NT5DC1: variants seen among roughly 807,000 people sequenced by gnomAD.
NT5DC1 encodes 5'-nucleotidase domain-containing protein 1.
A neutral mutation model predicts 59.4 loss-of-function variants in NT5DC1; 42 were observed. That is an observed-to-expected ratio of 0.71 (90% CI 0.55 to 0.92). The LOEUF (loss-of-function observed/expected upper bound fraction) is 0.92, where lower values mean the gene tolerates loss of function less well. NT5DC1 is among the 40% of genes least tolerant of loss of function. The probability of loss-of-function intolerance (pLI) is 0.00; values close to 1 mark genes in which losing one functional copy is unlikely to be tolerated. For synonymous variants in NT5DC1, 172 were observed against 188.1 expected (o/e 0.91, Z 0.70); for missense variants, 501 against 537.1 (o/e 0.93, Z 0.66).
Position 116,178,080 on chromosome 6 carries a change from TGTGTGTGTGC to T in NT5DC1, c.530-42972_530-42963del, listed in dbSNP as rs756937142. On this transcript the variant is annotated intron_variant, in intron 6 of 11. Coordinates refer to ENST00000319550, the MANE Select transcript of NT5DC1 (RefSeq NM_152729.3). ...GTGTGTGTGTGTGTGTGTGTGTGTG[TGTGTGTGTGC>T]GCGCGCGCGCGCGTGCGTGCGTGTG... 1.4e-3 allele frequency among the ~76,000 whole-genome samples: 155 copies of T among 109,030 alleles called. 2 individuals carry two copies. Among genetic ancestry groups the T allele is most frequent in the African/African-American group, 5.1e-3 (114 of 22,444 alleles). 71.5% of individuals were successfully genotyped at this position (109,030 alleles called of 152,430 possible). A position where few individuals can be genotyped will look rare whatever the true frequency, so the allele number is the denominator to read the frequency against.
intron 11 of NT5DC1, among the ~76,000 whole-genome samples, chr6:116,243,602 A>G (rs892425341): frequency 8.5e-5 from 13 of 152,136 alleles, no homozygotes; most frequent in African/African-American, 2.9e-4. Context: ...TATTCAAGTA[A>G]TGTTTCTATA....
Position 116,238,940 on chromosome 6 carries a change from G to C in NT5DC1, c.1084-15G>C, listed in dbSNP as rs1221034275. The C allele has an allele frequency of 3.3e-6, 5 of 1,511,352 alleles. No individual in the cohort carries two copies. In the African/African-American group the frequency reaches 6.9e-5, roughly 21 times the overall value. 93.6% of individuals were successfully genotyped at this position (1,511,352 alleles called of 1,614,324 possible). ...AGTTAATCACCATTTTAATTATTCT[G>C]TTCTCTTGTTTCAGGGACCAAAAGC... On this transcript the variant is annotated splice_polypyrimidine_tract_variant and intron_variant, in intron 10 of 11. Coordinates refer to ENST00000319550, the MANE Select transcript of NT5DC1 (RefSeq NM_152729.3).
At position 116,123,709 on chromosome 6, in the gene NT5DC1, A is replaced by T. The variant is rs1779206343; in HGVS notation, c.529+5764A>T. Among the ~76,000 whole-genome samples the T allele has an allele frequency of 2.6e-5, 4 of 152,170 alleles. No individual in the cohort carries two copies. In the South Asian group the frequency reaches 6.2e-4, roughly 24 times the overall value. On this transcript the variant is annotated intron_variant, in intron 6 of 11. Transcript: ENST00000319550. ...GCATTAATGTCTGCCAATGGATGAT[A>T]GTGTAGTTGAGTGTCTATCTAAAAA...
At chr6:116,131,942 T>C (rs942956854) in intron 6 of NT5DC1, among the ~76,000 whole-genome samples, 6 of 152,208 alleles carry the variant, frequency 3.9e-5, no homozygotes, top group Non-Finnish European at 8.8e-5. Context: ...GTTCTGTTCC[T>C]GTATTAGTTT....
intron 7 of NT5DC1, 50 bp downstream of exon 7, chr6:116,221,278 A>T: frequency 9.5e-7 from 1 of 1,050,356 alleles, no homozygotes; most frequent in Non-Finnish European, 1.4e-6. Context: ...TACAGATAGC[A>T]AATTAGACCA....
chr6:116,202,398 T>A (rs1018463145), intron 6 of NT5DC1, among the ~76,000 whole-genome samples: 4 of 152,004 alleles, frequency 2.6e-5, no homozygotes, highest in African/African-American at 9.7e-5. Context: ...AAAATAAAAT[T>A]CACTGAGTTT....
At chr6:116,182,387 T>G (rs1780903415) in intron 6 of NT5DC1, among the ~76,000 whole-genome samples, 1 of 152,102 alleles carries the variant, frequency 6.6e-6, no homozygotes, top group Non-Finnish European at 1.5e-5. Context: ...CTTCTTTTCC[T>G]CTGGGTAGAT....
At chr6:116,113,486 G>C (rs1370057053) in intron 4 of NT5DC1, among the ~76,000 whole-genome samples, 1 of 152,196 alleles carries the variant, frequency 6.6e-6, no homozygotes. Flanking sequence ...GCAATGAGCT[G>C]TCTCTTCTAT....
intron 6 of NT5DC1, among the ~76,000 whole-genome samples, chr6:116,163,725 C>G (rs1368505005): frequency 2.6e-5 from 4 of 152,014 alleles, no homozygotes; most frequent in Non-Finnish European, 5.9e-5. Context: ...AATTTGAGAT[C>G]TATCTTTTTG....
chr6:116,116,151 A>T (rs1778958930), intron 5 of NT5DC1, among the ~76,000 whole-genome samples: 1 of 152,182 alleles, frequency 6.6e-6, no homozygotes, highest in Non-Finnish European at 1.5e-5. Flanking sequence ...AAATAATATA[A>T]AATAGAAAAA....
intron 6 of NT5DC1, among the ~76,000 whole-genome samples, chr6:116,214,072 A>G (rs1781640498): frequency 6.6e-6 from 1 of 152,102 alleles, no homozygotes; most frequent in African/African-American, 2.4e-5. Flanking sequence ...AGAAATTAAG[A>G]ATTAAAATTT....
chr6:116,172,353 G>T (rs367777524), intron 6 of NT5DC1, among the ~76,000 whole-genome samples: 75 of 120,936 alleles, frequency 6.2e-4, no homozygotes, highest in Non-Finnish European at 1.0e-3. Context: ...ATAGAGTCTC[G>T]CTCTGTTGCC....
chr6:116,163,582 G>T (rs903455295), intron 6 of NT5DC1, among the ~76,000 whole-genome samples: 1 of 151,840 alleles, frequency 6.6e-6, no homozygotes, highest in Admixed American at 6.6e-5. Context: ...TTTTGGCTTT[G>T]TTGATCCCTT....
At chr6:116,232,200 A>C (rs1750374740) in intron 8 of NT5DC1, among the ~76,000 whole-genome samples, 1 of 152,154 alleles carries the variant, frequency 6.6e-6, no homozygotes, top group African/African-American at 2.4e-5. Flanking sequence ...TTTTAATTTA[A>C]TCCAGCCTTT....
At chr6:116,150,205 CT>C (rs1336464504) in intron 6 of NT5DC1, among the ~76,000 whole-genome samples, 7 of 152,128 alleles carry the variant, frequency 4.6e-5, no homozygotes, top group African/African-American at 1.7e-4. Context: ...ATTACTATGG[CT>C]TTCACATGGA....
intron 6 of NT5DC1, among the ~76,000 whole-genome samples, chr6:116,192,361 A>G (rs1016016502): frequency 6.6e-6 from 1 of 152,038 alleles, no homozygotes; most frequent in African/African-American, 2.4e-5. Flanking sequence ...CGTTTTGGGT[A>G]TACTCGAATA....
At chr6:116,147,400 C>T (rs1225766413) in intron 6 of NT5DC1, among the ~76,000 whole-genome samples, 1 of 151,602 alleles carries the variant, frequency 6.6e-6, no homozygotes, top group Non-Finnish European at 1.5e-5. Flanking sequence ...TGAGATCCTG[C>T]CATTGCACTC....
At chr6:116,114,460 AC>A (rs1419356060) in intron 4 of NT5DC1, among the ~76,000 whole-genome samples, 2 of 139,360 alleles carry the variant, frequency 1.4e-5, no homozygotes, top group Non-Finnish European at 3.1e-5. Flanking sequence ...TATGCTGAAC[AC>A]TGTGCCCAGT....
chr6:116,156,177 G>A (rs937616066), intron 6 of NT5DC1, among the ~76,000 whole-genome samples: 16 of 152,086 alleles, frequency 1.1e-4, no homozygotes, highest in African/African-American at 3.6e-4. Flanking sequence ...TTTTGGGGAG[G>A]AATAAGTAAA....
Sources: allele counts gnomAD v4.1 joint callset (sites outside exome capture counted in the v4.1 genomes callset), GRCh38; gene constraint gnomAD v4.1.1; transcripts MANE v1.5; gene names NCBI Gene and HGNC (gene_info 2026-07-23, HGNC 2026-07-21).